Variants in CDH4 observed in about 807,000 individuals in gnomAD.
CDH4 encodes cadherin 4.
CDH4 carries 33 observed loss-of-function variants against 86.0 expected under a neutral mutation model. That is an observed-to-expected ratio of 0.38 (90% confidence interval 0.29 to 0.51). The LOEUF is 0.51. Ranked by LOEUF, CDH4 falls within the 20% of genes least tolerant of loss-of-function variation. The pLI is 0.86. For synonymous variants in CDH4, 555 were observed against 549.4 expected, an observed-to-expected ratio of 1.01 and a Z score of -0.14; for missense variants, 1,114 against 1,307.4, an observed-to-expected ratio of 0.85 and a Z score of 2.28.
At chr20:61,472,725 T>G (rs2085512029) in intron 2 of CDH4, among the ~76,000 whole-genome samples, 1 of 152,240 alleles carries the variant, frequency 6.6e-6, no homozygotes, top group Non-Finnish European at 1.5e-5. Context: ...GGAGACATCA[T>G]TATTAATTTA....
At chr20:61,418,758 G>C (rs978573188) in intron 2 of CDH4, among the ~76,000 whole-genome samples, 1 of 152,190 alleles carries the variant, frequency 6.6e-6, no homozygotes, top group Admixed American at 6.5e-5. Flanking sequence ...GGACAGGGCT[G>C]GTTCCTTCAG....
chr20:61,731,905 A>G (rs532132142), intron 2 of CDH4, among the ~76,000 whole-genome samples: 1 of 152,236 alleles, frequency 6.6e-6, no homozygotes, highest in East Asian at 1.9e-4. Context: ...GATGAGCAAC[A>G]TCAGAACCCA....
intron 2 of CDH4, among the ~76,000 whole-genome samples, chr20:61,498,032 G>A (rs1384384999): frequency 8.0e-6 from 1 of 124,438 alleles, no homozygotes; most frequent in Non-Finnish European, 1.6e-5. Context: ...ACAGGAAGGG[G>A]AACATCACAC....
intron 2 of CDH4, among the ~76,000 whole-genome samples, chr20:61,608,281 T>G (rs563560723): frequency 6.6e-6 from 1 of 152,316 alleles, no homozygotes; most frequent in Non-Finnish European, 1.5e-5. Flanking sequence ...GGCAGGGAAA[T>G]ATCTTGATGT....
intron 4 of CDH4, among the ~76,000 whole-genome samples, chr20:61,805,948 C>T (rs930176309): frequency 1.3e-5 from 2 of 152,234 alleles, no homozygotes; most frequent in African/African-American, 4.8e-5. Flanking sequence ...TCGGTGTCCA[C>T]TGTGGTGCTG....
chr20:61,336,699 G>C (rs1046353555), intron 2 of CDH4, among the ~76,000 whole-genome samples: 1 of 152,190 alleles, frequency 6.6e-6, no homozygotes, highest in Non-Finnish European at 1.5e-5. Context: ...TGTCAATGTA[G>C]ATTCTCACTT....
At chr20:61,369,566 C>T (rs993068793) in intron 2 of CDH4, among the ~76,000 whole-genome samples, 7 of 150,650 alleles carry the variant, frequency 4.6e-5, no homozygotes, top group Non-Finnish European at 8.8e-5. Context: ...ACTGTGCATA[C>T]GTAAGAAGAT....
At chr20:61,278,568 C>T (rs4341997) in intron 2 of CDH4, among the ~76,000 whole-genome samples, 3 of 152,264 alleles carry the variant, frequency 2.0e-5, no homozygotes, top group Admixed American at 1.3e-4. Flanking sequence ...CCTCTTACGC[C>T]TGGTGCTCAG....
intron 2 of CDH4, among the ~76,000 whole-genome samples, chr20:61,281,768 G>A (rs905210518): frequency 6.6e-6 from 1 of 152,200 alleles, no homozygotes; most frequent in Non-Finnish European, 1.5e-5. Context: ...TGGAGGGGAC[G>A]CACCCCATCC....
intron 4 of CDH4, among the ~76,000 whole-genome samples, chr20:61,791,105 G>A (rs890272724): frequency 6.6e-5 from 10 of 152,184 alleles, no homozygotes; most frequent in African/African-American, 2.4e-4. Context: ...ACGAAAAACC[G>A]AACAGGCAAA....
At chr20:61,739,646 G>A (rs1324134644) in intron 2 of CDH4, among the ~76,000 whole-genome samples, 2 of 152,242 alleles carry the variant, frequency 1.3e-5, no homozygotes, top group African/African-American at 2.4e-5. Flanking sequence ...GGATGGGGCT[G>A]AGGCACCAGA....
At position 61,703,634 on chromosome 20, in the gene CDH4, G is replaced by T. The variant is rs1030725245; in HGVS notation, c.170-39929G>T. The stretch of plus-strand genomic sequence containing the variant: ...CTGGATGAATCTGCAAAGAGAGCGG[G>T]GATCTGATGTGTGCAGCCATCTCAT... On this transcript the variant is annotated intron_variant, in intron 2 of 15. Transcript: ENST00000614565. The surrounding 1 kb of genome is among the most constrained non-coding windows in gnomAD (Gnocchi z 4.3). Among the ~76,000 whole-genome samples the T allele has an allele frequency of 6.6e-6, 1 of 152,140 alleles. No homozygotes were observed. The highest frequency in any genetic ancestry group is 1.5e-5 in the Non-Finnish European group (1 of 68,026).
At chr20:61,644,611 C>T (rs182075555) in intron 2 of CDH4, among the ~76,000 whole-genome samples, 73 of 152,314 alleles carry the variant, frequency 4.8e-4, no homozygotes, top group African/African-American at 1.7e-3. Context: ...GGAGCGGGCT[C>T]AGGAGGGGCG....
chr20:61,336,718 C>T (rs1275522499), intron 2 of CDH4, among the ~76,000 whole-genome samples: 2 of 152,104 alleles, frequency 1.3e-5, no homozygotes, highest in African/African-American at 2.4e-5. Context: ...TTCAGAGGGT[C>T]GATTGCCCAA....
At chr20:61,857,001 C>T (rs1208415016) in intron 6 of CDH4, among the ~76,000 whole-genome samples, 4 of 152,246 alleles carry the variant, frequency 2.6e-5, no homozygotes, top group African/African-American at 9.6e-5. Context: ...GCCACCATGG[C>T]CTTGGAGGCC....
intron 2 of CDH4, among the ~76,000 whole-genome samples, chr20:61,506,936 T>A (rs1426708638): frequency 6.6e-6 from 1 of 152,226 alleles, no homozygotes; most frequent in Non-Finnish European, 1.5e-5. Flanking sequence ...GTCCACCTAT[T>A]CAGACATGAG....
At chr20:61,640,929 C>T (rs1401265690) in intron 2 of CDH4, among the ~76,000 whole-genome samples, 1 of 152,158 alleles carries the variant, frequency 6.6e-6, no homozygotes, top group Non-Finnish European at 1.5e-5. Context: ...GCGAGTGGTG[C>T]CGGGCAAGGC....
chr20:61,358,625 T>C (rs1307541879), intron 2 of CDH4, among the ~76,000 whole-genome samples: 1 of 152,216 alleles, frequency 6.6e-6, no homozygotes, highest in Non-Finnish European at 1.5e-5. Flanking sequence ...TCCCCGTATT[T>C]TACACAGAGA....
rs1032837867 is a variant in CDH4 at position 61,807,154 on chromosome 20, G to A, written c.576+33972G>A. The stretch of plus-strand genomic sequence containing the variant: ...CAGCTGCAAGGCCAGTGGGGCAGGT[G>A]CCGGGAGGGCCTCGGGAGGTGCCTG... On this transcript the variant is annotated intron_variant, in intron 4 of 15. Transcript: ENST00000614565. The surrounding 1 kb of genome is among the most constrained non-coding windows in gnomAD (Gnocchi z 4.5). 6.6e-6 allele frequency among the ~76,000 whole-genome samples: 1 copy of A among 152,244 alleles called. No individual in the cohort carries two copies. Among genetic ancestry groups the A allele is most frequent in the African/African-American group, 2.4e-5 (1 of 41,474 alleles).
Sources: allele counts gnomAD v4.1 joint callset (sites outside exome capture counted in the v4.1 genomes callset), GRCh38; gene constraint gnomAD v4.1.1; non-coding constraint Gnocchi (gnomAD v3.1); transcripts MANE v1.5; gene names NCBI Gene and HGNC (gene_info 2026-07-23, HGNC 2026-07-21).